The following FAM171A1 variants were observed in gnomAD, a reference collection of about 807,000 sequenced individuals.
The protein encoded by FAM171A1 is protein FAM171A1.
FAM171A1 carries 23 observed loss-of-function variants against 74.9 expected under a neutral mutation model. That is an observed-to-expected ratio of 0.31 (90% CI 0.22 to 0.44). The LOEUF is 0.44. Ranked by LOEUF, FAM171A1 falls within the 20% of genes least tolerant of loss-of-function variation. The pLI, the probability that FAM171A1 is intolerant of heterozygous loss-of-function variation, is 1.00. For synonymous variants in FAM171A1, 527 were observed against 505.7 expected (o/e 1.04, Z -0.57); for missense variants, 1,162 against 1,159.2 (o/e 1.00, Z -0.03).
chr10:15,284,602 TGGGG>T, intron 1 of FAM171A1, among the ~76,000 whole-genome samples: 1 of 152,118 alleles, frequency 6.6e-6, no homozygotes, highest in East Asian at 1.9e-4. Context: ...TTTGTAGAGA[TGGGG>T]TTTTGCCATG....
intron 1 of FAM171A1, among the ~76,000 whole-genome samples, chr10:15,348,594 A>C (rs1465936961): frequency 1.3e-5 from 2 of 152,266 alleles, no homozygotes; most frequent in East Asian, 3.9e-4. Flanking sequence ...GTTCCTAACC[A>C]TCAAGCCTGG....
At chr10:15,280,989 G>C (rs1361739614) in intron 2 of FAM171A1, among the ~76,000 whole-genome samples, 1 of 152,200 alleles carries the variant, frequency 6.6e-6, no homozygotes, top group Non-Finnish European at 1.5e-5. Flanking sequence ...TGGAGGTAGG[G>C]CCTGATGGGA....
intron 3 of FAM171A1, among the ~76,000 whole-genome samples, chr10:15,269,849 G>C (rs1564628615): frequency 6.6e-6 from 1 of 152,194 alleles, no homozygotes; most frequent in Non-Finnish European, 1.5e-5. Context: ...GCCTCACAGG[G>C]AAAATAGATG....
chr10:15,338,411 T>C (rs1835728206), intron 1 of FAM171A1, among the ~76,000 whole-genome samples: 1 of 152,184 alleles, frequency 6.6e-6, no homozygotes, highest in Non-Finnish European at 1.5e-5. Flanking sequence ...ATTAGCAAAG[T>C]CATTAGTTTA....
At chr10:15,287,229 A>T (rs10752360) in intron 1 of FAM171A1, among the ~76,000 whole-genome samples, 1 of 145,094 alleles carries the variant, frequency 6.9e-6, no homozygotes, top group Non-Finnish European at 1.5e-5. Context: ...GTAGCTGGGA[A>T]TACAGGCACC....
At chr10:15,312,975 GT>G (rs1299443718) in intron 1 of FAM171A1, among the ~76,000 whole-genome samples, 2 of 152,012 alleles carry the variant, frequency 1.3e-5, no homozygotes, top group Admixed American at 1.3e-4. Flanking sequence ...GATTACAGGG[GT>G]GAGCCACCGT....
rs1231110791 is a variant in FAM171A1 at position 15,214,194 on chromosome 10, G to A, written c.1394C>T (p.Pro465Leu). 1 of 1,614,092 alleles carries A rather than the reference G, an allele frequency of 6.2e-7. No homozygotes were observed. The highest frequency in any genetic ancestry group is 2.2e-5 in the East Asian group (1 of 44,874). The change falls in exon 8 of 8, where the codon CCC becomes CTC. Residue 465 changes from proline (P) to leucine (L), a missense_variant. Physicochemically the swap from Pro to Leu is moderately conservative, Grantham distance 98 (BLOSUM62 -3). Coordinates refer to ENST00000378116, the MANE Select transcript of FAM171A1 (RefSeq NM_001010924.2). ...TTCCATAGATTTTCTTGCCTTTAAG[G>A]GAAAAACCTCCACTGACTTATGGTA... is the stretch of plus-strand genomic sequence containing the variant. ...KDYHKSVEVF[P>L]LKARKSMERE...
chr10:15,230,027 C>G (rs972615208), intron 5 of FAM171A1, among the ~76,000 whole-genome samples: 9 of 151,904 alleles, frequency 5.9e-5, no homozygotes, highest in African/African-American at 2.2e-4. Flanking sequence ...GAGCTTTCAT[C>G]TGCATTAAGC....
intron 1 of FAM171A1, among the ~76,000 whole-genome samples, chr10:15,369,246 T>C (rs1210226538): frequency 1.3e-5 from 2 of 151,094 alleles, no homozygotes; most frequent in African/African-American, 4.9e-5. Flanking sequence ...AAGACATGCC[T>C]TCCTTTCTCT....
intron 3 of FAM171A1, among the ~76,000 whole-genome samples, chr10:15,270,874 G>A (rs1834815303): frequency 1.3e-5 from 2 of 152,292 alleles, no homozygotes; most frequent in South Asian, 2.1e-4. Flanking sequence ...AACCCCATCT[G>A]TACGTCACCA....
intron 5 of FAM171A1, among the ~76,000 whole-genome samples, chr10:15,230,215 A>C (rs1403618692): frequency 6.6e-6 from 1 of 152,254 alleles, no homozygotes; most frequent in Non-Finnish European, 1.5e-5. Context: ...TACATTTATG[A>C]CACTGTGGGA....
intron 1 of FAM171A1, among the ~76,000 whole-genome samples, chr10:15,312,673 G>GTTTGTTTTT (rs1564274246): frequency 3.3e-4 from 12 of 36,404 alleles, no homozygotes; most frequent in Non-Finnish European, 4.7e-4. Flanking sequence ...AGCACTGTGT[G>GTTTGTTTTT]TTTTTTTTTT....
intron 2 of FAM171A1, among the ~76,000 whole-genome samples, chr10:15,279,002 C>T (rs761521502): frequency 1.4e-4 from 21 of 152,178 alleles, no homozygotes; most frequent in Non-Finnish European, 3.1e-4. Context: ...TAGGGTTACA[C>T]TCCATGCCCT....
intron 3 of FAM171A1, among the ~76,000 whole-genome samples, chr10:15,261,130 A>C (rs544512159): frequency 2.0e-5 from 3 of 152,346 alleles, no homozygotes; most frequent in East Asian, 1.9e-4. Flanking sequence ...ATGAACAAAG[A>C]AGCTTAAAAA....
chr10:15,258,655 G>C (rs1305629769), intron 3 of FAM171A1, among the ~76,000 whole-genome samples: 1 of 152,120 alleles, frequency 6.6e-6, no homozygotes, highest in Non-Finnish European at 1.5e-5. Flanking sequence ...TCGACTGTGT[G>C]ATCCGCAAAC....
intron 3 of FAM171A1, among the ~76,000 whole-genome samples, chr10:15,265,252 C>CGTGTGT (rs368142730): frequency 6.7e-6 from 1 of 150,126 alleles, no homozygotes; most frequent in East Asian, 1.9e-4. Flanking sequence ...CGTGTGTGTG[C>CGTGTGT]GTGTGTGTGT....
chr10:15,350,078 T>C (rs1835860327), intron 1 of FAM171A1, among the ~76,000 whole-genome samples: 1 of 151,800 alleles, frequency 6.6e-6, no homozygotes, highest in South Asian at 2.1e-4. Context: ...AGAATTAGAG[T>C]AACACCCCTA....
At chr10:15,268,981 G>A (rs776376488) in intron 3 of FAM171A1, among the ~76,000 whole-genome samples, 6 of 152,206 alleles carry the variant, frequency 3.9e-5, no homozygotes, top group Non-Finnish European at 5.9e-5. Flanking sequence ...GGCGGATATT[G>A]CAGTGAGCCA....
chr10:15,308,501 T>C (rs1431392767), intron 1 of FAM171A1, among the ~76,000 whole-genome samples: 2 of 152,194 alleles, frequency 1.3e-5, no homozygotes, highest in South Asian at 2.1e-4. Flanking sequence ...TCTTGCTCCA[T>C]TGCCCAGGCT....
Sources: allele counts gnomAD v4.1 joint callset (sites outside exome capture counted in the v4.1 genomes callset), GRCh38; gene constraint gnomAD v4.1.1; transcripts MANE v1.5; gene names NCBI Gene and HGNC (gene_info 2026-07-23, HGNC 2026-07-21).